HS6ST3: variants seen among roughly 807,000 people sequenced by gnomAD.
HS6ST3 encodes the protein heparan-sulfate 6-O-sulfotransferase 3.
In HS6ST3, 12 loss-of-function variants were observed where a neutral mutation model predicts 36.7. The ratio of observed to expected loss-of-function variants is 0.33; its 90% CI spans 0.21 to 0.53. The LOEUF is 0.53. HS6ST3 is among the 20% of genes least tolerant of loss of function. The pLI is 0.95. For synonymous variants in HS6ST3, 240 were observed against 257.5 expected, an observed-to-expected ratio of 0.93 and a Z score of 0.65; for missense variants, 584 against 640.9, an observed-to-expected ratio of 0.91 and a Z score of 0.96.
chr13:96,658,597 T>C (rs916312513), intron 1 of HS6ST3, among the ~76,000 whole-genome samples: 4 of 151,046 alleles, frequency 2.6e-5, no homozygotes, highest in African/African-American at 4.9e-5. Flanking sequence ...CTTTCTTCTA[T>C]TGATCATTAT....
At chr13:96,552,560 T>C (rs2056223461) in intron 1 of HS6ST3, among the ~76,000 whole-genome samples, 1 of 152,198 alleles carries the variant, frequency 6.6e-6, no homozygotes. Context: ...GTCATCCTGC[T>C]GCCCGCTCTT....
At chr13:96,818,240 G>A (rs1367288184) in intron 1 of HS6ST3, among the ~76,000 whole-genome samples, 1 of 152,186 alleles carries the variant, frequency 6.6e-6, no homozygotes, top group African/African-American at 2.4e-5. Context: ...TTTTCTAAAT[G>A]TCTGTCGTTG....
At chr13:96,320,520 T>G (rs1277237604) in intron 1 of HS6ST3, among the ~76,000 whole-genome samples, 1 of 152,208 alleles carries the variant, frequency 6.6e-6, no homozygotes, top group Non-Finnish European at 1.5e-5. Flanking sequence ...TACAGAAAGC[T>G]GACAAAGAAA....
At chr13:96,505,659 A>G (rs976596812) in intron 1 of HS6ST3, among the ~76,000 whole-genome samples, 2 of 152,154 alleles carry the variant, frequency 1.3e-5, no homozygotes, top group African/African-American at 4.8e-5. Flanking sequence ...CATCAAGACA[A>G]CTTCACATGG....
chr13:96,220,111 G>C (rs963909401), intron 1 of HS6ST3, among the ~76,000 whole-genome samples: 46 of 152,214 alleles, frequency 3.0e-4, no homozygotes, highest in African/African-American at 1.1e-3. Context: ...AGACAAAGCA[G>C]ACTGCACCCT....
intron 1 of HS6ST3, among the ~76,000 whole-genome samples, chr13:96,576,943 CAAAAAAA>C (rs1157924077): frequency 6.0e-4 from 16 of 26,846 alleles, no homozygotes; most frequent in East Asian, 1.6e-3. Context: ...GACTCTGTCT[CAAAAAAA>C]AAAAAAAAAA....
intron 1 of HS6ST3, among the ~76,000 whole-genome samples, chr13:96,795,431 A>C (rs1170665833): frequency 1.3e-5 from 2 of 152,082 alleles, no homozygotes; most frequent in Admixed American, 6.6e-5. Context: ...CTAAAGACAA[A>C]AGAGGTTATA....
intron 1 of HS6ST3, among the ~76,000 whole-genome samples, chr13:96,449,049 C>G (rs2055714094): frequency 6.6e-6 from 1 of 152,134 alleles, no homozygotes; most frequent in Admixed American, 6.5e-5. Flanking sequence ...GCTGCCTCGA[C>G]TTCCTGGGTT....
At position 96,666,102 on chromosome 13, in the gene HS6ST3, A is replaced by G. The variant is rs753694866; in HGVS notation, c.708-166388A>G. Among the ~76,000 whole-genome samples the G allele has an allele frequency of 2.0e-5, 3 of 152,282 alleles. No individual in the cohort carries two copies. The East Asian group carries it at 5.8e-4, about 29-fold the overall frequency. The stretch of plus-strand genomic sequence containing the variant: ...ACTGGGGAAGCTCAAGAAACTTACA[A>G]TCATGGAGGAAGGGAAAGCAAACAT... On this transcript the variant is annotated intron_variant, in intron 1 of 1. Coordinates refer to ENST00000376705, the MANE Select transcript of HS6ST3 (RefSeq NM_153456.4).
intron 1 of HS6ST3, among the ~76,000 whole-genome samples, chr13:96,482,791 T>C (rs2055896002): frequency 6.6e-6 from 1 of 152,264 alleles, no homozygotes; most frequent in Non-Finnish European, 1.5e-5. Context: ...CACTTTTAGT[T>C]GTTCCTAGCA....
intron 1 of HS6ST3, among the ~76,000 whole-genome samples, chr13:96,376,022 T>A (rs190169416): frequency 1.3e-5 from 2 of 152,260 alleles, no homozygotes; most frequent in East Asian, 3.9e-4. Context: ...GATTTGCAAG[T>A]CAAGCAATAT....
chr13:96,447,235 T>G (rs1475144245), intron 1 of HS6ST3, among the ~76,000 whole-genome samples: 2 of 152,130 alleles, frequency 1.3e-5, no homozygotes, highest in Non-Finnish European at 2.9e-5. Context: ...ATGCATTCTC[T>G]CCATCCATAA....
chr13:96,140,946 C>G (rs2054029115), intron 1 of HS6ST3, among the ~76,000 whole-genome samples: 1 of 152,136 alleles, frequency 6.6e-6, no homozygotes, highest in Non-Finnish European at 1.5e-5. Flanking sequence ...TAAAAAATGT[C>G]AACATAACAG....
In HS6ST3 at chr13:96,632,317, T is replaced by TG. The variant is rs1170695737; in HGVS notation, c.708-200173_708-200172insG. ...GTCAGAAATAAATTTCTGTGTTTTT[T>TG]TTTGTTTGTTTGTTTTTGTTTTTTT... On this transcript the variant is annotated intron_variant, in intron 1 of 1. Coordinates refer to ENST00000376705, the MANE Select transcript of HS6ST3 (RefSeq NM_153456.4). 1.2e-3 allele frequency among the ~76,000 whole-genome samples: 186 copies of TG among 151,276 alleles called. 2 individuals are homozygous for TG. Among genetic ancestry groups the TG allele is most frequent in the South Asian group, 0.011 (53 of 4,764 alleles).
chr13:96,183,013 G>T (rs916634166), intron 1 of HS6ST3, among the ~76,000 whole-genome samples: 3 of 152,218 alleles, frequency 2.0e-5, no homozygotes, highest in Admixed American at 2.0e-4. Context: ...AGAAGTGATA[G>T]AAATTGTTTG....
intron 1 of HS6ST3, among the ~76,000 whole-genome samples, chr13:96,766,734 G>T (rs1414574510): frequency 6.6e-6 from 1 of 152,016 alleles, no homozygotes; most frequent in African/African-American, 2.4e-5. Flanking sequence ...TACGCTCTTT[G>T]TCACCAAAAT....
chr13:96,383,487 A>G (rs2055352022), intron 1 of HS6ST3, among the ~76,000 whole-genome samples: 1 of 152,180 alleles, frequency 6.6e-6, no homozygotes, highest in Non-Finnish European at 1.5e-5. Context: ...AAGACAATCC[A>G]GACTCTAGGG....
chr13:96,510,789 G>A (rs776327226), intron 1 of HS6ST3, among the ~76,000 whole-genome samples: 10 of 151,960 alleles, frequency 6.6e-5, no homozygotes, highest in African/African-American at 9.7e-5. Context: ...CCACAGATAA[G>A]CATTCTAACG....
intron 1 of HS6ST3, among the ~76,000 whole-genome samples, chr13:96,772,393 C>T (rs1282985225): frequency 5.3e-5 from 8 of 152,070 alleles, no homozygotes; most frequent in Non-Finnish European, 1.2e-4. Flanking sequence ...GCAAAGAGAG[C>T]AAGGTTATAT....
Sources: gnomAD v4.1 joint callset for allele counts (sites outside exome capture counted in the v4.1 genomes callset) on GRCh38, gnomAD v4.1.1 for gene constraint, MANE v1.5 for transcripts, NCBI Gene and HGNC (gene_info 2026-07-23, HGNC 2026-07-21) for gene names.